Variants in SHB observed in about 807,000 individuals in gnomAD.
SHB encodes SH2 domain-containing adapter protein B.
Under a neutral mutation model 52.3 loss-of-function variants are expected in SHB, and 20 were observed. The ratio of observed to expected loss-of-function variants is 0.38; its 90% CI spans 0.27 to 0.56. SHB has a LOEUF of 0.56. Among genes scored for constraint, SHB ranks in the 20% least tolerant of loss-of-function variants. The pLI, the probability that SHB is intolerant of heterozygous loss-of-function variation, is 0.71. For synonymous variants in SHB, 397 were observed against 316.5 expected (o/e 1.25, Z -2.70); for missense variants, 825 against 723.3 (o/e 1.14, Z -1.61).
At chr9:38,010,152 A>C (rs1005868677) in intron 2 of SHB, among the ~76,000 whole-genome samples, 2 of 152,220 alleles carry the variant, frequency 1.3e-5, no homozygotes, top group African/African-American at 4.8e-5. Flanking sequence ...TCTGCTGCTT[A>C]TTTAATCTGA....
chr9:38,033,891 G>C (rs1041192214), intron 1 of SHB, among the ~76,000 whole-genome samples: 8 of 152,164 alleles, frequency 5.3e-5, no homozygotes, highest in East Asian at 3.9e-4. Context: ...ATTTAAGAAG[G>C]GGGAGGTGGC....
chr9:37,937,083 C>A (rs140837640), intron 5 of SHB, among the ~76,000 whole-genome samples: 1 of 152,224 alleles, frequency 6.6e-6, no homozygotes, highest in East Asian at 1.9e-4. Context: ...CTTTCTCCCT[C>A]GCTTTGTCTT....
intron 1 of SHB, among the ~76,000 whole-genome samples, chr9:38,042,248 A>G (rs1291300991): frequency 6.6e-6 from 1 of 152,238 alleles, no homozygotes; most frequent in South Asian, 2.1e-4. Flanking sequence ...AGAGTTTAGC[A>G]TGGTGCCCGG....
intron 2 of SHB, among the ~76,000 whole-genome samples, chr9:37,995,614 C>T (rs1042101644): frequency 3.3e-5 from 5 of 152,194 alleles, no homozygotes; most frequent in Admixed American, 2.0e-4. Flanking sequence ...CCTCCACTAG[C>T]GGGGAGCCTC....
At chr9:38,067,533 G>A (rs565581437) in intron 1 of SHB, among the ~76,000 whole-genome samples, 1 of 152,326 alleles carries the variant, frequency 6.6e-6, no homozygotes, top group African/African-American at 2.4e-5. Context: ...CTGGACCTCA[G>A]TTTCCCACCT....
rs377390017 is a variant in SHB, at chr9:38,002,254, G to A, written c.838+13757C>T. 3.9e-5 allele frequency among the ~76,000 whole-genome samples: 6 copies of A among 152,162 alleles called. No individual in the cohort carries two copies. The East Asian group carries it at 5.8e-4, about 15-fold the overall frequency. On this transcript the variant is annotated intron_variant, in intron 2 of 5. Transcript: ENST00000377707. The stretch of plus-strand genomic sequence containing the variant: ...AATAACCCCACACATATAACTGAAG[G>A]CCACAGTCTTGGAAGAAATTAGAGA...
intron 5 of SHB, among the ~76,000 whole-genome samples, chr9:37,938,541 A>G (rs1156339905): frequency 2.6e-5 from 4 of 152,268 alleles, no homozygotes; most frequent in Non-Finnish European, 5.9e-5. Context: ...TCAGAAGGCA[A>G]CTGTCCCGGG....
At chr9:37,940,012 A>G (rs1326408841) in intron 5 of SHB, among the ~76,000 whole-genome samples, 2 of 152,234 alleles carry the variant, frequency 1.3e-5, no homozygotes, top group Non-Finnish European at 2.9e-5. Flanking sequence ...GAGAATATGC[A>G]GAACTCAAAC....
intron 5 of SHB, among the ~76,000 whole-genome samples, chr9:37,937,548 TC>T: frequency 6.6e-6 from 1 of 151,528 alleles, no homozygotes; most frequent in Admixed American, 6.6e-5. Context: ...CAGGGGAGCT[TC>T]CTAGAGAAGA....
chr9:37,997,164 G>T (rs983592965), intron 2 of SHB, among the ~76,000 whole-genome samples: 2 of 152,176 alleles, frequency 1.3e-5, no homozygotes, highest in Admixed American at 1.3e-4. Context: ...TGGCAGCCAC[G>T]TCTCCCCTCT....
intron 2 of SHB, among the ~76,000 whole-genome samples, chr9:37,990,445 G>A (rs188472077): frequency 4.2e-4 from 64 of 152,212 alleles, no homozygotes; most frequent in African/African-American, 1.5e-3. Context: ...GCAGAACCCA[G>A]CTCCACAGAT....
rs73453400 is a variant in SHB at position 37,924,090 on chromosome 9, G to A, written c.1347-4086C>T. ...CATCTCCTTTGATAGGACATCTTGC[G>A]AGGGCAAAGTCACAATGAGAGGTGT... On this transcript the variant is annotated intron_variant, in intron 5 of 5. Transcript: ENST00000377707. Among the ~76,000 whole-genome samples, 1,383 of 152,362 alleles carry A rather than the reference G, an allele frequency of 9.1e-3. 22 individuals are homozygous for A. The highest frequency in any genetic ancestry group is 0.031 in the African/African-American group (1,292 of 41,590).
chr9:37,938,116 A>G (rs72724188), intron 5 of SHB, among the ~76,000 whole-genome samples: 1 of 152,322 alleles, frequency 6.6e-6, no homozygotes, highest in Non-Finnish European at 1.5e-5. Flanking sequence ...ATAAGCCCCT[A>G]CAGCACAAAG....
chr9:37,977,356 T>C (rs1274661867), intron 2 of SHB, among the ~76,000 whole-genome samples: 2 of 152,014 alleles, frequency 1.3e-5, no homozygotes, highest in African/African-American at 4.8e-5. Flanking sequence ...AAACAGACAC[T>C]TTCTCTGGCA....
At chr9:37,993,178 C>T (rs889412104) in intron 2 of SHB, among the ~76,000 whole-genome samples, 2 of 152,170 alleles carry the variant, frequency 1.3e-5, no homozygotes, top group Non-Finnish European at 2.9e-5. Flanking sequence ...TGAGGCTTAA[C>T]ACTTGCCTTT....
intron 3 of SHB, among the ~76,000 whole-genome samples, chr9:37,972,127 T>G (rs185835366): frequency 1.0e-3 from 154 of 152,212 alleles, no homozygotes; most frequent in African/African-American, 3.7e-3. Flanking sequence ...AGGGGGTCAG[T>G]CCAGGGGAGG....
intron 1 of SHB, among the ~76,000 whole-genome samples, chr9:38,029,483 A>G (rs1821386271): frequency 6.7e-6 from 1 of 148,508 alleles, no homozygotes; most frequent in African/African-American, 2.5e-5. Context: ...TTGCTATGAG[A>G]TTTTTTTTTT....
intron 5 of SHB, among the ~76,000 whole-genome samples, chr9:37,930,135 A>T (rs1832296803): frequency 6.6e-6 from 1 of 152,146 alleles, no homozygotes; most frequent in Non-Finnish European, 1.5e-5. Context: ...TAAACAGGAA[A>T]CTGGTCATAG....
intron 2 of SHB, chr9:38,015,355 C>T (rs1382543127): frequency 2.9e-6 from 2 of 697,660 alleles, no homozygotes; most frequent in Non-Finnish European, 5.2e-6. Flanking sequence ...CTAAAATAGG[C>T]CCCCAGGATG....
Sources: allele counts gnomAD v4.1 joint callset (sites outside exome capture counted in the v4.1 genomes callset), GRCh38; gene constraint gnomAD v4.1.1; transcripts MANE v1.5; gene names NCBI Gene and HGNC (gene_info 2026-07-23, HGNC 2026-07-21).